Variants in KCNH7 observed in about 807,000 individuals in gnomAD.
The protein encoded by KCNH7 is voltage-gated inwardly rectifying potassium channel KCNH7.
Under a neutral mutation model 120.8 loss-of-function variants are expected in KCNH7, and 49 were observed. The ratio of observed to expected loss-of-function variants is 0.41; its 90% CI spans 0.32 to 0.51. The LOEUF (loss-of-function observed/expected upper bound fraction) is 0.51, where lower values mean the gene tolerates loss of function less well. KCNH7 is among the 20% of genes least tolerant of loss of function. The probability of loss-of-function intolerance (pLI) is 0.38; values close to 1 mark genes in which losing one functional copy is unlikely to be tolerated. For missense variants in KCNH7, 1,097 were observed against 1,446.6 expected (o/e 0.76, Z 3.92); for synonymous variants, 547 against 516.1 (o/e 1.06, Z -0.81).
intron 3 of KCNH7, among the ~76,000 whole-genome samples, chr2:162,532,030 T>C (rs1238442221): frequency 2.6e-5 from 4 of 151,926 alleles, no homozygotes; most frequent in Admixed American, 1.3e-4. Flanking sequence ...ATGACAGATA[T>C]CTAAATTACC....
chr2:162,751,392 C>T (rs1391306883), intron 2 of KCNH7, among the ~76,000 whole-genome samples: 1 of 152,080 alleles, frequency 6.6e-6, no homozygotes, highest in African/African-American at 2.4e-5. Flanking sequence ...TCCACACTAG[C>T]TTTTCTCCTA....
Position 162,787,706 on chromosome 2 carries a change from C to A in KCNH7, c.307+48831G>T, listed in dbSNP as rs115945829. Among the ~76,000 whole-genome samples, 993 of 152,246 alleles carry A rather than the reference C, an allele frequency of 6.5e-3. 7 individuals are homozygous for A. Among genetic ancestry groups the A allele is most frequent in the African/African-American group, 0.022 (917 of 41,530 alleles). ...GGCCCCCACTGACTCAGACTCAAGG[C>A]CCAGATAACATCAGTTCAGATGCTA... On this transcript the variant is annotated intron_variant, in intron 2 of 15. Coordinates refer to ENST00000332142, the MANE Select transcript of KCNH7 (RefSeq NM_033272.4).
chr2:162,768,148 TAAAAC>T (rs1275054149), intron 2 of KCNH7, among the ~76,000 whole-genome samples: 3 of 152,200 alleles, frequency 2.0e-5, no homozygotes, highest in Admixed American at 1.3e-4. Flanking sequence ...ATTACTGACT[TAAAAC>T]AAATTTAAGT....
chr2:162,441,222 T>C (rs1359931450), intron 7 of KCNH7, among the ~76,000 whole-genome samples: 1 of 152,148 alleles, frequency 6.6e-6, no homozygotes, highest in Non-Finnish European at 1.5e-5. Flanking sequence ...TATGATTTGT[T>C]CCTAAAAGTT....
At chr2:162,482,861 T>C (rs1689975711) in intron 6 of KCNH7, among the ~76,000 whole-genome samples, 1 of 152,208 alleles carries the variant, frequency 6.6e-6, no homozygotes. Context: ...AAGTGTATAC[T>C]TAATATTTTC....
At chr2:162,423,082 G>A (rs2105489958) in intron 9 of KCNH7, among the ~76,000 whole-genome samples, 1 of 152,302 alleles carries the variant, frequency 6.6e-6, no homozygotes, top group East Asian at 1.9e-4. Flanking sequence ...CTCACCAGAA[G>A]TGGGAACTCT....
At chr2:162,668,015 T>C (rs778980920) in intron 2 of KCNH7, among the ~76,000 whole-genome samples, 3 of 152,342 alleles carry the variant, frequency 2.0e-5, no homozygotes, top group Non-Finnish European at 2.9e-5. Context: ...CATATAAAAT[T>C]GATTTCCATT....
At chr2:162,488,027 C>G (rs559482412) in intron 6 of KCNH7, among the ~76,000 whole-genome samples, 29 of 152,334 alleles carry the variant, frequency 1.9e-4, no homozygotes, top group African/African-American at 7.0e-4. Context: ...TTTGTCCCAA[C>G]CCTCAGGCCA....
At chr2:162,801,708 T>TA (rs1211396689) in intron 2 of KCNH7, among the ~76,000 whole-genome samples, 2 of 151,752 alleles carry the variant, frequency 1.3e-5, no homozygotes, top group Non-Finnish European at 3.0e-5. Flanking sequence ...AAACAGAAGT[T>TA]ATTTGAGAAT....
chr2:162,787,235 A>G (rs950514231), intron 2 of KCNH7, among the ~76,000 whole-genome samples: 2 of 152,128 alleles, frequency 1.3e-5, no homozygotes, highest in African/African-American at 4.8e-5. Context: ...TTCAGATCCC[A>G]GGTCAGTGCC....
intron 2 of KCNH7, among the ~76,000 whole-genome samples, chr2:162,701,332 C>G (rs188449521): frequency 2.8e-4 from 42 of 151,946 alleles, no homozygotes; most frequent in Admixed American, 7.2e-4. Context: ...GAAGAATTAT[C>G]ATATTTAGCA....
chr2:162,639,100 A>T (rs913212849), intron 2 of KCNH7, among the ~76,000 whole-genome samples: 7 of 152,104 alleles, frequency 4.6e-5, no homozygotes, highest in South Asian at 2.1e-4. Context: ...ATATCTCCAG[A>T]CATTAACAAA....
At chr2:162,379,733 A>G in intron 14 of KCNH7, 120 bp downstream of exon 14, 1 of 954,700 alleles carries the variant, frequency 1.0e-6, no homozygotes, top group Non-Finnish European at 1.6e-6. Context: ...ATTTTAAATA[A>G]GTAAATGTAT....
At chr2:162,374,088 G>C (rs1361140419) in intron 14 of KCNH7, among the ~76,000 whole-genome samples, 1 of 152,098 alleles carries the variant, frequency 6.6e-6, no homozygotes, top group Non-Finnish European at 1.5e-5. Flanking sequence ...AGCATCCCAG[G>C]ATAATTTCTT....
chr2:162,379,423 A>T (rs1686332451), intron 14 of KCNH7, among the ~76,000 whole-genome samples: 1 of 152,224 alleles, frequency 6.6e-6, no homozygotes, highest in Admixed American at 6.5e-5. Context: ...TGATAAGCTG[A>T]CTGAATAACT....
At chr2:162,790,016 C>A (rs1683865972) in intron 2 of KCNH7, among the ~76,000 whole-genome samples, 1 of 150,606 alleles carries the variant, frequency 6.6e-6, no homozygotes, top group African/African-American at 2.4e-5. Context: ...AAAATAAAGA[C>A]TAGAGAACAA....
intron 2 of KCNH7, among the ~76,000 whole-genome samples, chr2:162,726,478 G>T (rs1364704301): frequency 1.3e-5 from 2 of 152,118 alleles, no homozygotes; most frequent in Non-Finnish European, 2.9e-5. Flanking sequence ...GAAGTGCAGT[G>T]GCGCCATCTC....
At chr2:162,727,641 A>G (rs1195840814) in intron 2 of KCNH7, among the ~76,000 whole-genome samples, 2 of 152,168 alleles carry the variant, frequency 1.3e-5, no homozygotes, top group African/African-American at 4.8e-5. Flanking sequence ...TGTTTTTAGG[A>G]TTCATCCATG....
At chr2:162,806,429 G>C (rs1268950127) in intron 2 of KCNH7, among the ~76,000 whole-genome samples, 1 of 152,048 alleles carries the variant, frequency 6.6e-6, no homozygotes, top group Non-Finnish European at 1.5e-5. Flanking sequence ...CCAGAAAATA[G>C]TAAATGCCTT....
Sources: gnomAD v4.1 joint callset for allele counts (sites outside exome capture counted in the v4.1 genomes callset) on GRCh38, gnomAD v4.1.1 for gene constraint, MANE v1.5 for transcripts, NCBI Gene and HGNC (gene_info 2026-07-23, HGNC 2026-07-21) for gene names.